TRIM5: variants seen among roughly 807,000 people sequenced by gnomAD.
TRIM5 encodes the protein tripartite motif containing 5.
Under a neutral mutation model 35.6 loss-of-function variants are expected in TRIM5, and 31 were observed. The observed-to-expected ratio is 0.87, with a 90% CI of 0.65 to 1.18. TRIM5 has a LOEUF of 1.18. Among genes scored for constraint, TRIM5 ranks in the 50% most tolerant of loss-of-function variants. The pLI is 0.00. For synonymous variants in TRIM5, 243 were observed against 215.6 expected, an observed-to-expected ratio of 1.13 and a Z score of -1.11; for missense variants, 609 against 591.6, an observed-to-expected ratio of 1.03 and a Z score of -0.31.
At chr11:5,684,351 A>G (rs1276459595) in intron 1 of TRIM5, among the ~76,000 whole-genome samples, 1 of 152,200 alleles carries the variant, frequency 6.6e-6, no homozygotes, top group East Asian at 1.9e-4. Flanking sequence ...CCTAGCAAGA[A>G]ATAAAACCTG....
the TRIM5 span, chr11:5,603,860 C>A: frequency 6.9e-7 from 1 of 1,443,258 alleles, no homozygotes; most frequent in Non-Finnish European, 9.2e-7. Context: ...CTGGAAACTG[C>A]CTCCCTGATT....
chr11:5,600,938 T>A, the TRIM5 span, among the ~76,000 whole-genome samples: 1 of 152,192 alleles, frequency 6.6e-6, no homozygotes, highest in Non-Finnish European at 1.5e-5. Flanking sequence ...GAAACAGTTT[T>A]AAAAATTTTC....
At chr11:5,658,753 G>C (rs559658062), downstream of TRIM5, among the ~76,000 whole-genome samples, 84 of 152,184 alleles carry the variant, frequency 5.5e-4, no homozygotes, top group African/African-American at 2.0e-3. Context: ...ATAATCCTTT[G>C]GGCACATACC....
the TRIM5 span, chr11:5,655,685 G>A: frequency 3.2e-4 from 315 of 985,376 alleles, no homozygotes; most frequent in African/African-American, 4.9e-3. Flanking sequence ...TTTTAGTGAC[G>A]TCATCTGGCA....
chr11:5,596,936 C>T, the TRIM5 span: 2 of 1,614,130 alleles, frequency 1.2e-6, no homozygotes, highest in East Asian at 4.5e-5. Flanking sequence ...GTTCTGTTGA[C>T]TGGCTCTTAT....
intron 3 of TRIM5, among the ~76,000 whole-genome samples, chr11:5,678,842 G>A (rs1357157218): frequency 6.6e-6 from 1 of 152,162 alleles, no homozygotes; most frequent in Admixed American, 6.5e-5. Flanking sequence ...ATAGAATGCA[G>A]GATTCACTAG....
the TRIM5 span, chr11:5,589,628 A>G: frequency 6.6e-6 from 1 of 152,156 alleles, no homozygotes; most frequent in Non-Finnish European, 1.5e-5. Flanking sequence ...AAAAAAGAAA[A>G]CATCTTTTAA....
intron 4 of TRIM5, among the ~76,000 whole-genome samples, chr11:5,676,312 A>G (rs1321928053): frequency 6.6e-6 from 1 of 152,138 alleles, no homozygotes; most frequent in Non-Finnish European, 1.5e-5. Context: ...TACACCAACA[A>G]CAGACAAACA....
the TRIM5 span, chr11:5,605,220 CT>C: frequency 2.2e-6 from 3 of 1,372,832 alleles, no homozygotes; most frequent in Non-Finnish European, 3.1e-6. Context: ...TTTACCCTCC[CT>C]CTCCCTGGGA....
At chr11:5,649,864 C>A in the TRIM5 span, among the ~76,000 whole-genome samples, 1 of 152,130 alleles carries the variant, frequency 6.6e-6, no homozygotes, top group South Asian at 2.1e-4. Flanking sequence ...ATATGCCCTC[C>A]TAAAGAACTT....
At chr11:5,665,609 T>G (rs1440442096) in intron 7 of TRIM5, 47 bp downstream of exon 7, 8 of 1,581,996 alleles carry the variant, frequency 5.1e-6, no homozygotes, top group Admixed American at 2.0e-5. Flanking sequence ...AAGATAATAA[T>G]AATGATAAGC....
chr11:5,663,156 AC>A, downstream of TRIM5: 1 of 758,414 alleles, frequency 1.3e-6, no homozygotes, highest in African/African-American at 2.1e-5. Context: ...AAACAAACAA[AC>A]AAAAAAGCCC....
At chr11:5,617,277 TA>T in the TRIM5 span, among the ~76,000 whole-genome samples, 2 of 144,402 alleles carry the variant, frequency 1.4e-5, no homozygotes, top group Non-Finnish European at 3.0e-5. Context: ...TTTAAGGCAT[TA>T]TTGCCTATCT....
At chr11:5,615,932 CATT>C in the TRIM5 span, among the ~76,000 whole-genome samples, 5 of 102,510 alleles carry the variant, frequency 4.9e-5, no homozygotes, top group Admixed American at 1.1e-4. Context: ...CATATCTTTT[CATT>C]TTTTTTTTTT....
At chr11:5,589,055 G>C in the TRIM5 span, 1 of 152,024 alleles carries the variant, frequency 6.6e-6, no homozygotes, top group Non-Finnish European at 1.5e-5. Context: ...CAAAGTGCTG[G>C]ATTTACAGAC....
At chr11:5,674,477 C>T (rs911800498) in intron 4 of TRIM5, among the ~76,000 whole-genome samples, 8 of 152,224 alleles carry the variant, frequency 5.3e-5, no homozygotes, top group African/African-American at 1.4e-4. Context: ...GAGAGGTACC[C>T]TCCACAAGGA....
intron 4 of TRIM5, among the ~76,000 whole-genome samples, chr11:5,674,893 T>C (rs192541066): frequency 1.3e-5 from 2 of 152,302 alleles, no homozygotes; most frequent in East Asian, 3.9e-4. Context: ...AGCTGGGGTG[T>C]AGGGAGAGTT....
At chr11:5,622,404 C>T in the TRIM5 span, among the ~76,000 whole-genome samples, 3 of 149,662 alleles carry the variant, frequency 2.0e-5, no homozygotes, top group African/African-American at 7.4e-5. Context: ...GAGATCACGC[C>T]ACTGCACTCC....
the TRIM5 span, among the ~76,000 whole-genome samples, chr11:5,623,307 G>GC: frequency 1.3e-5 from 2 of 151,720 alleles, no homozygotes. Context: ...GAAAGTATTA[G>GC]GTTGGTACAA....
Sources: gnomAD v4.1 joint callset for allele counts (sites outside exome capture counted in the v4.1 genomes callset) on GRCh38, gnomAD v4.1.1 for gene constraint, MANE v1.5 for transcripts, NCBI Gene and HGNC (gene_info 2026-07-23, HGNC 2026-07-21) for gene names.